The following RIT2 variants were observed in gnomAD, a reference collection of about 807,000 sequenced individuals.
RIT2 encodes Ras like without CAAX 2, also known as GTP-binding protein Rit2.
In RIT2, 24 loss-of-function variants were observed where a neutral mutation model predicts 23.7. That is an observed-to-expected ratio of 1.01 (90% CI 0.73 to 1.43). RIT2 has a LOEUF of 1.43. Among genes scored for constraint, RIT2 ranks in the 40% most tolerant of loss-of-function variants. The probability of loss-of-function intolerance (pLI) is 0.00; values close to 1 mark genes in which losing one functional copy is unlikely to be tolerated. For synonymous variants in RIT2, 107 were observed against 91.1 expected (o/e 1.17, Z -0.99); for missense variants, 236 against 266.9 (o/e 0.88, Z 0.81).
At chr18:43,072,178 GTT>G (rs1475887414) in intron 1 of RIT2, among the ~76,000 whole-genome samples, 1 of 152,080 alleles carries the variant, frequency 6.6e-6, no homozygotes, top group East Asian at 1.9e-4. Flanking sequence ...TAGAGACGGG[GTT>G]TTACCATGTT....
At chr18:43,033,731 A>G in intron 2 of RIT2, 80 bp downstream of exon 2, 1 of 939,968 alleles carries the variant, frequency 1.1e-6, no homozygotes. Flanking sequence ...TTTATTTTCC[A>G]TCAACATTGC....
chr18:43,033,410 A>C (rs984227167), intron 2 of RIT2, among the ~76,000 whole-genome samples: 1 of 152,172 alleles, frequency 6.6e-6, no homozygotes, highest in African/African-American at 2.4e-5. Flanking sequence ...AACATGGCTA[A>C]ATAACTCTGC....
At chr18:42,922,325 T>G (rs977329101) in intron 4 of RIT2, among the ~76,000 whole-genome samples, 1 of 152,170 alleles carries the variant, frequency 6.6e-6, no homozygotes, top group Non-Finnish European at 1.5e-5. Context: ...TTAGTGAAGA[T>G]TCCTACGTTA....
chr18:42,750,652 G>A (rs1229562324), intron 4 of RIT2, among the ~76,000 whole-genome samples: 3 of 151,688 alleles, frequency 2.0e-5, no homozygotes, highest in Admixed American at 1.3e-4. Context: ...GTTAGGTTAT[G>A]CTAACAAATA....
intron 4 of RIT2, among the ~76,000 whole-genome samples, chr18:42,746,054 G>A (rs1204535280): frequency 6.6e-6 from 1 of 152,066 alleles, no homozygotes; most frequent in Admixed American, 6.6e-5. Context: ...CAGGCTGTCA[G>A]GTGGGTTCTG....
chr18:42,881,716 G>A (rs998893672), intron 4 of RIT2, among the ~76,000 whole-genome samples: 3 of 152,264 alleles, frequency 2.0e-5, no homozygotes, highest in Non-Finnish European at 4.4e-5. Context: ...TGGTCATGTT[G>A]GTTATGTGCC....
intron 2 of RIT2, among the ~76,000 whole-genome samples, chr18:43,012,936 T>C (rs73477491): frequency 0.023 from 3,431 of 151,888 alleles, 138 homozygotes; most frequent in African/African-American, 0.079. Context: ...TTATAATCAT[T>C]TGAGAAATTC....
intron 1 of RIT2, among the ~76,000 whole-genome samples, chr18:43,061,512 G>A (rs1912644489): frequency 6.6e-6 from 1 of 152,098 alleles, no homozygotes; most frequent in Non-Finnish European, 1.5e-5. Context: ...TGACCTTCAA[G>A]CCAAGAACAG....
chr18:42,977,247 C>T, intron 2 of RIT2, among the ~76,000 whole-genome samples: 1 of 151,960 alleles, frequency 6.6e-6, no homozygotes, highest in African/African-American at 2.4e-5. Flanking sequence ...AATATCTATA[C>T]TTCTGTAAAA....
At chr18:42,781,533 C>G (rs189823981) in intron 4 of RIT2, among the ~76,000 whole-genome samples, 1 of 152,250 alleles carries the variant, frequency 6.6e-6, no homozygotes, top group South Asian at 2.1e-4. Context: ...CTGCTGCTAC[C>G]CAGAAGGTCA....
chr18:42,951,481 T>G (rs1242873768), intron 3 of RIT2, among the ~76,000 whole-genome samples: 1 of 151,962 alleles, frequency 6.6e-6, no homozygotes, highest in Non-Finnish European at 1.5e-5. Flanking sequence ...GATGCTATTC[T>G]CTGTACCTGG....
intron 4 of RIT2, 80 bp from the exon 5 acceptor site, chr18:42,743,800 T>C (rs1487832083): frequency 3.2e-5 from 35 of 1,109,522 alleles, no homozygotes; most frequent in Non-Finnish European, 3.8e-5. Flanking sequence ...ACTAGAGCTG[T>C]GTGTCAGGCC....
intron 1 of RIT2, among the ~76,000 whole-genome samples, chr18:43,044,328 T>A (rs2144298278): frequency 6.6e-6 from 1 of 152,278 alleles, no homozygotes; most frequent in South Asian, 2.1e-4. Flanking sequence ...TGAAAGAAGT[T>A]CTCCTCTGTT....
At chr18:43,095,528 A>G (rs1446890733) in intron 1 of RIT2, among the ~76,000 whole-genome samples, 1 of 152,000 alleles carries the variant, frequency 6.6e-6, no homozygotes, top group African/African-American at 2.4e-5. Context: ...ATAAAAATAA[A>G]ACATAGACAA....
chr18:42,855,420 C>A (rs866957819), intron 4 of RIT2, among the ~76,000 whole-genome samples: 1 of 152,146 alleles, frequency 6.6e-6, no homozygotes, highest in African/African-American at 2.4e-5. Context: ...GAGAGGTTAA[C>A]CATCTCTGCT....
chr18:42,992,214 A>T (rs2144229371), intron 2 of RIT2, among the ~76,000 whole-genome samples: 1 of 152,170 alleles, frequency 6.6e-6, no homozygotes, highest in East Asian at 1.9e-4. Context: ...CTCACACGTG[A>T]CCTAAAACCT....
intron 4 of RIT2, among the ~76,000 whole-genome samples, chr18:42,900,548 T>G (rs1908448650): frequency 6.6e-6 from 1 of 152,102 alleles, no homozygotes; most frequent in African/African-American, 2.4e-5. Context: ...TCAAAGGGTT[T>G]CTTTTGATGG....
intron 2 of RIT2, among the ~76,000 whole-genome samples, chr18:43,021,952 T>C (rs1033390060): frequency 2.0e-5 from 3 of 152,106 alleles, no homozygotes; most frequent in African/African-American, 7.2e-5. Context: ...ATTTCGCCAT[T>C]GGGAATTTAT....
intron 1 of RIT2, among the ~76,000 whole-genome samples, chr18:43,040,544 T>C (rs531268398): frequency 6.6e-6 from 1 of 152,242 alleles, no homozygotes; most frequent in East Asian, 1.9e-4. Flanking sequence ...TATGAAAAAT[T>C]GGCAGAAAAG....
Sources: allele counts gnomAD v4.1 joint callset (sites outside exome capture counted in the v4.1 genomes callset), GRCh38; gene constraint gnomAD v4.1.1; transcripts MANE v1.5; gene names NCBI Gene and HGNC (gene_info 2026-07-23, HGNC 2026-07-21).